The following PDE9A variants were observed in gnomAD, a reference collection of about 807,000 sequenced individuals.
The protein encoded by PDE9A is phosphodiesterase 9A, also known as high affinity cGMP-specific 3',5'-cyclic phosphodiesterase 9A.
A neutral mutation model predicts 87.4 loss-of-function variants in PDE9A; 60 were observed. The observed-to-expected ratio is 0.69, with a 90% CI of 0.56 to 0.85. The LOEUF is 0.85. PDE9A is among the 40% of genes least tolerant of loss of function. The pLI is 0.00. For missense variants in PDE9A, 665 were observed against 779.0 expected, an observed-to-expected ratio of 0.85 and a Z score of 1.74; for synonymous variants, 272 against 279.4, an observed-to-expected ratio of 0.97 and a Z score of 0.27.
intron 2 of PDE9A, among the ~76,000 whole-genome samples, chr21:42,686,916 C>A (rs565362300): frequency 6.6e-6 from 1 of 152,278 alleles, no homozygotes; most frequent in East Asian, 1.9e-4. Flanking sequence ...GTCCCCAGCC[C>A]CACATCACCC....
chr21:42,693,532 C>T lies in PDE9A; in HGVS notation c.219-5436C>T, dbSNP rs367759783. On this transcript the variant is annotated intron_variant, in intron 3 of 19. Transcript: ENST00000291539. ...ATCACGATCTCCTGACCTCGTGATC[C>T]ACCTGCCTCGGCCCCCCAGAGTGCT... is the stretch of plus-strand genomic sequence containing the variant. 1.5e-4 allele frequency among the ~76,000 whole-genome samples: 23 copies of T among 151,686 alleles called. No individual in the cohort carries two copies. The South Asian group carries it at 1.9e-3, about 12-fold the overall frequency.
chr21:42,711,534 G>GC (rs1050248539), intron 4 of PDE9A, among the ~76,000 whole-genome samples: 6 of 151,938 alleles, frequency 3.9e-5, no homozygotes, highest in African/African-American at 1.5e-4. Flanking sequence ...ACCGCACCAG[G>GC]CCCCCCAAAT....
At chr21:42,716,133 A>G (rs959480429) in intron 4 of PDE9A, among the ~76,000 whole-genome samples, 1 of 151,860 alleles carries the variant, frequency 6.6e-6, no homozygotes, top group African/African-American at 2.4e-5. Flanking sequence ...CCACTCACCT[A>G]TTGAAGAGCA....
At chr21:42,673,404 G>A (rs1351769128) in intron 1 of PDE9A, among the ~76,000 whole-genome samples, 1 of 152,188 alleles carries the variant, frequency 6.6e-6, no homozygotes, top group African/African-American at 2.4e-5. Context: ...GGTAGCAGAG[G>A]TCAGTCCGCT....
chr21:42,757,233 G>A (rs763885809), intron 10 of PDE9A: 5 of 152,230 alleles, frequency 3.3e-5, no homozygotes, highest in South Asian at 2.1e-4. Context: ...CAAGGAAAAC[G>A]AGTGTGTGGT....
chr21:42,714,513 T>C (rs1305016703), intron 4 of PDE9A, among the ~76,000 whole-genome samples: 1 of 151,426 alleles, frequency 6.6e-6, no homozygotes, highest in Non-Finnish European at 1.5e-5. Context: ...CTACCAGTCT[T>C]TATTGATATG....
chr21:42,735,065 G>A lies in PDE9A; in HGVS notation c.568+1639G>A, dbSNP rs1449262277. Reference sequence around the variant, plus strand: ...AACAGAAAAGGAGTTTTTCCCTAAAGGATTTTGGGAAGCTTCCCCAGATCC... The same window carrying A: ...AACAGAAAAGGAGTTTTTCCCTAAAAGATTTTGGGAAGCTTCCCCAGATCC... On this transcript the variant is annotated intron_variant, in intron 7 of 19. Transcript: ENST00000291539. Among the ~76,000 whole-genome samples, 6 of 152,334 alleles carry A rather than the reference G, an allele frequency of 3.9e-5. No individual in the cohort carries two copies. The East Asian group carries it at 1.2e-3, about 29-fold the overall frequency.
At chr21:42,768,006 C>T (rs1244382387) in intron 15 of PDE9A, among the ~76,000 whole-genome samples, 182 bp from the exon 16 acceptor site, 2 of 152,198 alleles carry the variant, frequency 1.3e-5, no homozygotes, top group African/African-American at 4.8e-5. Context: ...CAAACAGGAC[C>T]TTGAAGGTTC....
chr21:42,683,410 C>G (rs2059274671), intron 1 of PDE9A, among the ~76,000 whole-genome samples: 1 of 152,224 alleles, frequency 6.6e-6, no homozygotes, highest in Non-Finnish European at 1.5e-5. Context: ...TGGTGCAGAA[C>G]CTTCCAGGGG....
At chr21:42,681,764 A>G (rs2059178331) in intron 1 of PDE9A, among the ~76,000 whole-genome samples, 1 of 152,242 alleles carries the variant, frequency 6.6e-6, no homozygotes, top group Non-Finnish European at 1.5e-5. Context: ...CCTGCAAGCC[A>G]GAAGCCAACA....
chr21:42,703,261 G>A (rs777865531), intron 4 of PDE9A, among the ~76,000 whole-genome samples: 2 of 152,220 alleles, frequency 1.3e-5, no homozygotes, highest in African/African-American at 2.4e-5. Flanking sequence ...CAGGGCAGGC[G>A]GCCTCTCGGC....
chr21:42,769,616 G>A (rs2056801622), intron 17 of PDE9A, among the ~76,000 whole-genome samples: 1 of 95,328 alleles, frequency 1.0e-5, no homozygotes, highest in African/African-American at 4.4e-5. Flanking sequence ...GCACATGCAG[G>A]TACACATGCA....
At chr21:42,764,543 G>A (rs1163008943) in intron 14 of PDE9A, among the ~76,000 whole-genome samples, 2 of 152,080 alleles carry the variant, frequency 1.3e-5, no homozygotes, top group African/African-American at 2.4e-5. Flanking sequence ...AGCCATGTCG[G>A]AGAGCATCCC....
At position 42,760,387 on chromosome 21, in the gene PDE9A, C is replaced by G. The variant is rs775891542; in HGVS notation, c.957C>G (p.Cys319Trp). Reference sequence around the variant, plus strand: ...TCCACAACTTCCGGCACTGCTTCTGCGTGGCCCAGATGATGTACAGCATGG... The same window carrying G: ...TCCACAACTTCCGGCACTGCTTCTGGGTGGCCCAGATGATGTACAGCATGG... ...NPFHNFRHCF[C>W]VAQMMYSMVW... is the part of the protein sequence containing the mutation. Residue 319 changes from cysteine (C) to tryptophan (W), a missense_variant, in exon 12 of 20, where the codon TGC (cysteine) becomes TGG (tryptophan). By Grantham distance (215) the Cys-to-Trp change is radical. Transcript: ENST00000291539. This position sits in a 1 kb window ranked among gnomAD's most constrained non-coding sequence, Gnocchi z 5.2. 8 of 1,609,490 alleles carry G rather than the reference C, an allele frequency of 5.0e-6. No individual in the cohort carries two copies. The highest frequency in any genetic ancestry group is 6.8e-6 in the Non-Finnish European group (8 of 1,179,298).
intron 9 of PDE9A, 133 bp downstream of exon 9, chr21:42,751,330 C>A (rs966549346): frequency 8.2e-6 from 6 of 730,544 alleles, no homozygotes; most frequent in Admixed American, 2.1e-5. Context: ...GGGCCGCTGA[C>A]GGTGCGGGTT....
At chr21:42,726,255 C>T (rs747667448) in intron 4 of PDE9A, among the ~76,000 whole-genome samples, 12 of 152,044 alleles carry the variant, frequency 7.9e-5, no homozygotes, top group South Asian at 2.1e-4. Context: ...TCTGCCACAC[C>T]GTAGCTTGTC....
At chr21:42,746,724 A>G (rs970427490) in intron 8 of PDE9A, among the ~76,000 whole-genome samples, 3 of 152,234 alleles carry the variant, frequency 2.0e-5, no homozygotes, top group Admixed American at 2.0e-4. Context: ...GAGCTTGCAG[A>G]GGAAGCCGCC....
chr21:42,769,614 AG>A (rs1200237505), intron 17 of PDE9A, among the ~76,000 whole-genome samples: 5 of 63,698 alleles, frequency 7.8e-5, no homozygotes, highest in African/African-American at 5.2e-4. Flanking sequence ...ATGCACATGC[AG>A]GTACACATGC....
In PDE9A at chr21:42,759,189, C is replaced by T. The variant is rs950481469; in HGVS notation, c.897+104C>T. The stretch of plus-strand genomic sequence containing the variant: ...CCAGGGCACCTTCCGGATGGCACTG[C>T]GCTCCCTGTGAGCAGAGGTGACATT... On this transcript the variant is annotated intron_variant, in intron 11 of 19. Coordinates refer to ENST00000291539, the MANE Select transcript of PDE9A (RefSeq NM_002606.3). This position sits in a 1 kb window ranked among gnomAD's most constrained non-coding sequence, Gnocchi z 7.2. 13 of 774,428 alleles carry T rather than the reference C, an allele frequency of 1.7e-5. No homozygotes were observed. Among genetic ancestry groups the T allele is most frequent in the South Asian group, 4.6e-5 (3 of 64,670 alleles). 48.0% of individuals were successfully genotyped at this position (774,428 alleles called of 1,614,324 possible). A position where few individuals can be genotyped will look rare whatever the true frequency, so the allele number is the denominator to read the frequency against.
Sources: allele counts gnomAD v4.1 joint callset (sites outside exome capture counted in the v4.1 genomes callset), GRCh38; gene constraint gnomAD v4.1.1; non-coding constraint Gnocchi (gnomAD v3.1); transcripts MANE v1.5; gene names NCBI Gene and HGNC (gene_info 2026-07-23, HGNC 2026-07-21).